Variants in CNOT11 observed in about 807,000 individuals in gnomAD.
CNOT11 encodes CCR4-NOT transcription complex subunit 11, also known as UPF0760 protein C2orf29.
CNOT11 carries 18 observed loss-of-function variants against 44.6 expected under a neutral mutation model. The observed-to-expected ratio is 0.40, with a 90% confidence interval of 0.28 to 0.60. CNOT11 has a LOEUF of 0.60. Ranked by LOEUF, CNOT11 falls within the 20% of genes least tolerant of loss-of-function variation. The pLI is 0.38. For synonymous variants in CNOT11, 291 were observed against 270.9 expected, an observed-to-expected ratio of 1.07 and a Z score of -0.73; for missense variants, 513 against 677.0, an observed-to-expected ratio of 0.76 and a Z score of 2.69.
At chr2:101,261,742 T>C (rs1373940051) in intron 2 of CNOT11, among the ~76,000 whole-genome samples, 2 of 152,186 alleles carry the variant, frequency 1.3e-5, no homozygotes, top group Non-Finnish European at 2.9e-5. Flanking sequence ...TAGTTCCTAA[T>C]GGGATTAAAT....
intron 1 of CNOT11, among the ~76,000 whole-genome samples, chr2:101,255,489 C>G (rs999670615): frequency 6.9e-6 from 1 of 144,830 alleles, no homozygotes; most frequent in Admixed American, 7.0e-5. Flanking sequence ...AGCGGGACTC[C>G]GTCTCAAAAA....
rs769075718 is a variant in CNOT11, at chr2:101,252,982, G to A, written c.18G>A (p.Ala6=). The A allele has an allele frequency of 1.9e-5, 28 of 1,488,666 alleles. No individual in the cohort carries two copies. Among genetic ancestry groups the A allele is most frequent in the Non-Finnish European group, 2.4e-5 (27 of 1,127,118 alleles). 92.2% of individuals were successfully genotyped at this position (1,488,666 alleles called of 1,614,324 possible). The change falls in exon 1 of 7, where the codon GCG becomes GCA. Residue 6 remains alanine (A), a synonymous_variant. Coordinates refer to ENST00000289382, the MANE Select transcript of CNOT11 (RefSeq NM_017546.5). Reference sequence around the variant, plus strand: ...CGAGGTTGATGCCCGGCGGAGGGGCGAGCGCGGCGTCTGGCCGGCTTCTCA... The same window carrying A: ...CGAGGTTGATGCCCGGCGGAGGGGCAAGCGCGGCGTCTGGCCGGCTTCTCA... MPGGG[A]SAASGRLLTA...
In CNOT11 at chr2:101,265,127, G is replaced by A. The variant is rs920572392; in HGVS notation, c.1035+80G>A. 6 of 1,016,658 alleles carry A rather than the reference G, an allele frequency of 5.9e-6. No individual in the cohort carries two copies. In the Admixed American group the frequency reaches 1.3e-4, roughly 21 times the overall value. The allele number at this position is 1,016,658 out of a possible 1,614,324, so 63.0% of individuals were successfully genotyped here. On this transcript the variant is annotated intron_variant, in intron 4 of 6. Transcript: ENST00000289382. ...TAAAAAAATTTGTTTTTGAGACAGA[G>A]TCTCACTCGGCTGCCCAGGGTGGAG...
intron 2 of CNOT11, among the ~76,000 whole-genome samples, chr2:101,260,836 T>G (rs1019217302): frequency 6.6e-6 from 1 of 152,144 alleles, no homozygotes; most frequent in Non-Finnish European, 1.5e-5. Context: ...TTTTTTTTTT[T>G]TTCACATTTT....
Position 101,253,048 on chromosome 2 carries a change from G to T in CNOT11, c.84G>T (p.Ser28=). The change falls in exon 1 of 7, where the codon TCG becomes TCT. Residue 28 remains serine, a synonymous_variant. Transcript: ENST00000289382. This position sits in a 1 kb window ranked among gnomAD's most constrained non-coding sequence, Gnocchi z 4.3. ...EQRGSREAAG[S]ASRSGFGGSG... ...GAGGGTCCCGGGAAGCGGCAGGGTC[G>T]GCGTCCAGGAGCGGCTTCGGGGGCT... The T allele has an allele frequency of 6.6e-7, 1 of 1,515,828 alleles. No homozygotes were observed. The highest frequency in any genetic ancestry group is 8.8e-7 in the Non-Finnish European group (1 of 1,137,768). The allele number at this position is 1,515,828 out of a possible 1,614,324, so 93.9% of individuals were successfully genotyped here.
chr2:101,264,891 T>G lies in CNOT11; in HGVS notation c.879T>G (p.Ile293Met), dbSNP rs1278346068. The change falls in exon 4 of 7, where the codon ATT (isoleucine) becomes ATG (methionine). Residue 293 changes from isoleucine to methionine, a missense_variant. Transcript: ENST00000289382. ...TTCGTCCACCGCCTCCACTCCACAT[T>G]TGTGAGGATGAACTTGCTTGGCTAA... ...EFIRPPPPLH[I>M]CEDELAWLNP... The G allele has an allele frequency of 6.2e-7, 1 of 1,613,946 alleles. No homozygotes were observed. The highest frequency in any genetic ancestry group is 2.2e-5 in the East Asian group (1 of 44,888).
chr2:101,253,080 G>T lies in CNOT11; in HGVS notation c.116G>T (p.Gly39Val), dbSNP rs1045723035. The T allele has an allele frequency of 6.6e-7, 1 of 1,512,146 alleles. No homozygotes were observed. Among genetic ancestry groups the T allele is most frequent in the Non-Finnish European group, 8.8e-7 (1 of 1,136,384 alleles). The allele number at this position is 1,512,146 out of a possible 1,614,324, so 93.7% of individuals were successfully genotyped here. Residue 39 changes from glycine (G) to valine (V), a missense_variant, in exon 1 of 7, where the codon GGC becomes GTC. This residue lies in a region of CNOT11 where 259 missense variants were observed against 265.7 expected (regional missense o/e 0.97). Transcript: ENST00000289382. The surrounding 1 kb of genome is among the most constrained non-coding windows in gnomAD (Gnocchi z 4.3). Reference sequence around the variant, plus strand: ...AGGAGCGGCTTCGGGGGCTCCGGCGGCGGCAGAGGCGGAGCAAGCGGCCCC... The same window carrying T: ...AGGAGCGGCTTCGGGGGCTCCGGCGTCGGCAGAGGCGGAGCAAGCGGCCCC... ...ASRSGFGGSGGGRGGASGPGS... is the reference protein window; with the variant it reads ...ASRSGFGGSGVGRGGASGPGS...
rs1681768473 is a variant in CNOT11, at chr2:101,257,833, C to G, written c.557C>G (p.Ser186Cys). Residue 186 changes from serine to cysteine, a missense_variant, in exon 2 of 7, where the codon TCC becomes TGC. Transcript: ENST00000289382. ...PITPPEKFFL[S>C]QLMLAPPREL... ...ACTCCACCAGAAAAGTTTTTTCTTTCCCAGCTGATGCTGGCACCCCCACGG... is the reference window on the plus strand; with the variant it reads ...ACTCCACCAGAAAAGTTTTTTCTTTGCCAGCTGATGCTGGCACCCCCACGG... The G allele has an allele frequency of 6.2e-7, 1 of 1,613,264 alleles. No homozygotes were observed.
At chr2:101,259,757 G>T (rs1408771856) in intron 2 of CNOT11, among the ~76,000 whole-genome samples, 1 of 152,112 alleles carries the variant, frequency 6.6e-6, no homozygotes, top group African/African-American at 2.4e-5. Context: ...TAACAATGGG[G>T]CCAGGCACAA....
chr2:101,256,179 A>G (rs115172439), intron 1 of CNOT11, among the ~76,000 whole-genome samples: 1 of 151,858 alleles, frequency 6.6e-6, no homozygotes, highest in Non-Finnish European at 1.5e-5. Context: ...ATTTTGTGCA[A>G]CCGGGGTGTA....
chr2:101,255,291 C>T (rs1291826740), intron 1 of CNOT11, among the ~76,000 whole-genome samples: 1 of 151,352 alleles, frequency 6.6e-6, no homozygotes, highest in Non-Finnish European at 1.5e-5. Context: ...GTCAGGAGAT[C>T]GAGACCATCT....
chr2:101,261,863 T>C (rs1278907908), intron 2 of CNOT11, among the ~76,000 whole-genome samples: 2 of 147,570 alleles, frequency 1.4e-5, no homozygotes, highest in Non-Finnish European at 3.0e-5. Context: ...TTTTTTTTTT[T>C]TGAGATGGAG....
At chr2:101,261,290 T>C (rs559767440) in intron 2 of CNOT11, among the ~76,000 whole-genome samples, 55 of 152,344 alleles carry the variant, frequency 3.6e-4, no homozygotes, top group Non-Finnish European at 6.0e-4. Flanking sequence ...TCACTTTGCA[T>C]GCCCTTGAAC....
chr2:101,265,710 G>A (rs954591227), intron 4 of CNOT11, among the ~76,000 whole-genome samples: 1 of 152,150 alleles, frequency 6.6e-6, no homozygotes. Flanking sequence ...ATGGAAAGTG[G>A]AGTTACTGAC....
chr2:101,260,724 C>T (rs767708153), intron 2 of CNOT11, among the ~76,000 whole-genome samples: 8 of 152,082 alleles, frequency 5.3e-5, no homozygotes, highest in Non-Finnish European at 1.0e-4. Flanking sequence ...AAGTTTTACC[C>T]TAACAATGAG....
At chr2:101,262,787 T>C in intron 3 of CNOT11, 96 bp downstream of exon 3, 1 of 952,916 alleles carries the variant, frequency 1.0e-6, no homozygotes, top group African/African-American at 1.7e-5. Flanking sequence ...TTATTTTTAT[T>C]ATGACTTAAA....
intron 4 of CNOT11, among the ~76,000 whole-genome samples, chr2:101,265,387 C>T (rs1284590705): frequency 1.3e-5 from 2 of 152,190 alleles, no homozygotes; most frequent in Admixed American, 1.3e-4. Context: ...AGCCACTGTA[C>T]CCAGCCATTG....
chr2:101,266,026 G>A (rs1681973511), intron 4 of CNOT11, among the ~76,000 whole-genome samples: 2 of 152,144 alleles, frequency 1.3e-5, no homozygotes, highest in South Asian at 4.1e-4. Context: ...TGAAAACACA[G>A]TCCACTGTGG....
chr2:101,261,844 C>CTTTTTTTTT (rs3044629), intron 2 of CNOT11, among the ~76,000 whole-genome samples: 77 of 111,854 alleles, frequency 6.9e-4, no homozygotes, highest in African/African-American at 1.0e-3. Context: ...TTCTTTCTTT[C>CTTTTTTTTT]TTTTTTTTTT....
Sources: gnomAD v4.1 joint callset for allele counts (sites outside exome capture counted in the v4.1 genomes callset) on GRCh38, gnomAD v4.1.1 for gene constraint, gnomAD v4.1.1 regional missense constraint, Gnocchi (gnomAD v3.1) non-coding constraint, MANE v1.5 for transcripts, NCBI Gene and HGNC (gene_info 2026-07-23, HGNC 2026-07-21) for gene names.